The following GALNT17 variants were observed in gnomAD, a reference collection of about 807,000 sequenced individuals.
GALNT17 encodes polypeptide N-acetylgalactosaminyltransferase 17, also known as UDP-GalNAc:polypeptide N-acetylgalactosaminyltransferase-like 3.
Under a neutral mutation model 63.7 loss-of-function variants are expected in GALNT17, and 29 were observed. The observed-to-expected ratio is 0.46, with a 90% CI of 0.34 to 0.62. GALNT17 has a LOEUF of 0.62. Ranked by LOEUF, GALNT17 falls within the 20% of genes least tolerant of loss-of-function variation. The pLI is 0.01. For synonymous variants in GALNT17, 305 were observed against 318.3 expected, an observed-to-expected ratio of 0.96 and a Z score of 0.45; for missense variants, 603 against 799.6, an observed-to-expected ratio of 0.75 and a Z score of 2.97.
chr7:71,225,707 G>A (rs1789668063), intron 1 of GALNT17, among the ~76,000 whole-genome samples: 1 of 152,184 alleles, frequency 6.6e-6, no homozygotes. Context: ...TTATACACAA[G>A]GAAGGTATAA....
intron 5 of GALNT17, among the ~76,000 whole-genome samples, chr7:71,565,432 C>G (rs1201911579): frequency 6.6e-6 from 1 of 151,988 alleles, no homozygotes; most frequent in Non-Finnish European, 1.5e-5. Flanking sequence ...CTTTCCTCTC[C>G]CCTTCTCTAC....
At chr7:71,397,094 A>T (rs1226886015) in intron 3 of GALNT17, among the ~76,000 whole-genome samples, 2 of 152,060 alleles carry the variant, frequency 1.3e-5, no homozygotes, top group Admixed American at 1.3e-4. Flanking sequence ...TCCAATCTGG[A>T]TACTTTCTAT....
chr7:71,671,887 G>A (rs1584126560), intron 8 of GALNT17, among the ~76,000 whole-genome samples: 1 of 152,028 alleles, frequency 6.6e-6, no homozygotes, highest in South Asian at 2.1e-4. Flanking sequence ...AAAACTAGCT[G>A]AGCGTGGTGG....
chr7:71,267,375 T>A (rs893961151), intron 1 of GALNT17, among the ~76,000 whole-genome samples: 2 of 152,134 alleles, frequency 1.3e-5, no homozygotes, highest in African/African-American at 4.8e-5. Context: ...TAGTTTTTTT[T>A]TTTTTTTTCT....
At chr7:71,451,598 T>C (rs778981478) in intron 5 of GALNT17, among the ~76,000 whole-genome samples, 3 of 152,192 alleles carry the variant, frequency 2.0e-5, no homozygotes, top group Non-Finnish European at 4.4e-5. Context: ...CTCCTTGGTC[T>C]GCTTGCTCTC....
At chr7:71,481,847 T>C (rs913225019) in intron 5 of GALNT17, among the ~76,000 whole-genome samples, 1 of 152,138 alleles carries the variant, frequency 6.6e-6, no homozygotes, top group Admixed American at 6.5e-5. Flanking sequence ...CAGCTTAAGT[T>C]TGTGGGTTTC....
At chr7:71,158,722 G>A (rs891060215) in intron 1 of GALNT17, among the ~76,000 whole-genome samples, 40 of 151,640 alleles carry the variant, frequency 2.6e-4, no homozygotes, top group African/African-American at 1.2e-4. Context: ...GACTACAGGC[G>A]CCTGCCACCA....
chr7:71,144,930 A>C (rs113210373), intron 1 of GALNT17, among the ~76,000 whole-genome samples: 3 of 152,082 alleles, frequency 2.0e-5, no homozygotes, highest in South Asian at 2.1e-4. Context: ...GGGTTTCACC[A>C]TGTTAGCCAG....
intron 1 of GALNT17, among the ~76,000 whole-genome samples, chr7:71,188,025 C>G (rs1317932245): frequency 6.6e-6 from 1 of 152,162 alleles, no homozygotes; most frequent in Non-Finnish European, 1.5e-5. Context: ...ATTATAGTCT[C>G]CAATCCCTTT....
intron 6 of GALNT17, among the ~76,000 whole-genome samples, chr7:71,616,766 ATATT>A (rs1790211208): frequency 7.2e-6 from 1 of 138,296 alleles, no homozygotes; most frequent in Non-Finnish European, 1.5e-5. Context: ...TATATGTTAT[ATATT>A]ATGTGTTAAT....
At chr7:71,155,089 C>T (rs1788209588) in intron 1 of GALNT17, among the ~76,000 whole-genome samples, 1 of 151,688 alleles carries the variant, frequency 6.6e-6, no homozygotes, top group Non-Finnish European at 1.5e-5. Context: ...TGTCCTAAAC[C>T]ACCGAGCGTT....
chr7:71,465,759 G>A (rs1787525068), intron 5 of GALNT17, among the ~76,000 whole-genome samples: 1 of 152,180 alleles, frequency 6.6e-6, no homozygotes, highest in Non-Finnish European at 1.5e-5. Context: ...CACCAACGAG[G>A]TTCCGAAGCT....
intron 5 of GALNT17, among the ~76,000 whole-genome samples, chr7:71,570,870 CAG>C (rs749966722): frequency 2.6e-5 from 4 of 152,076 alleles, no homozygotes; most frequent in Admixed American, 6.6e-5. Flanking sequence ...CCCAGCTACT[CAG>C]GGGGTTGAGG....
At chr7:71,669,600 C>T (rs1354774833) in intron 7 of GALNT17, among the ~76,000 whole-genome samples, 1 of 144,938 alleles carries the variant, frequency 6.9e-6, no homozygotes, top group Non-Finnish European at 1.5e-5. Flanking sequence ...CTCGCACTGT[C>T]ACCTGGGCTA....
chr7:71,675,253 G>T (rs1004794415), intron 8 of GALNT17, among the ~76,000 whole-genome samples: 1 of 152,122 alleles, frequency 6.6e-6, no homozygotes, highest in African/African-American at 2.4e-5. Flanking sequence ...GTAGACCGTG[G>T]ACTACTTTAG....
At chr7:71,477,243 C>CT (rs1787739474) in intron 5 of GALNT17, among the ~76,000 whole-genome samples, 1 of 152,114 alleles carries the variant, frequency 6.6e-6, no homozygotes, top group Non-Finnish European at 1.5e-5. Flanking sequence ...ATTATCTTGA[C>CT]TGACAGGCTT....
intron 1 of GALNT17, among the ~76,000 whole-genome samples, chr7:71,250,717 C>T (rs1250044725): frequency 6.6e-6 from 1 of 152,100 alleles, no homozygotes; most frequent in African/African-American, 2.4e-5. Context: ...TGCACCAACC[C>T]GATCATTGAC....
At chr7:71,488,122 T>C (rs2116663690) in intron 5 of GALNT17, among the ~76,000 whole-genome samples, 1 of 150,318 alleles carries the variant, frequency 6.7e-6, no homozygotes, top group African/African-American at 2.4e-5. Flanking sequence ...GAGCTATGAT[T>C]TTGTCACTAC....
chr7:71,292,662 AGAGAGAGTGT>A (rs1350524718), intron 1 of GALNT17, among the ~76,000 whole-genome samples: 2 of 117,712 alleles, frequency 1.7e-5, no homozygotes, highest in African/African-American at 7.9e-5. Context: ...ACAGAGAGAG[AGAGAGAGTGT>A]GTGTGTGTGT....
Sources: gnomAD v4.1 joint callset for allele counts (sites outside exome capture counted in the v4.1 genomes callset) on GRCh38, gnomAD v4.1.1 for gene constraint, MANE v1.5 for transcripts, NCBI Gene and HGNC (gene_info 2026-07-23, HGNC 2026-07-21) for gene names.